SEMA3F: variants seen among roughly 807,000 people sequenced by gnomAD.
SEMA3F encodes semaphorin 3F, also known as semaphorin-3F.
Under a neutral mutation model 98.5 loss-of-function variants are expected in SEMA3F, and 30 were observed. The ratio of observed to expected loss-of-function variants is 0.30; its 90% CI spans 0.23 to 0.41. SEMA3F has a LOEUF of 0.41. Among genes scored for constraint, SEMA3F ranks in the 10% least tolerant of loss-of-function variants. The probability of loss-of-function intolerance (pLI) is 1.00; values close to 1 mark genes in which losing one functional copy is unlikely to be tolerated. For synonymous variants in SEMA3F, 380 were observed against 444.8 expected (o/e 0.85, Z 1.83); for missense variants, 866 against 1,119.3 (o/e 0.77, Z 3.23).
intron 13 of SEMA3F, among the ~76,000 whole-genome samples, chr3:50,185,016 C>T (rs370083425): frequency 6.6e-6 from 1 of 152,162 alleles, no homozygotes; most frequent in Admixed American, 6.5e-5. Flanking sequence ...CTTCCATCCC[C>T]AGGGGCCCAG....
intron 16 of SEMA3F, 38 bp from the exon 17 acceptor site, chr3:50,186,243 T>G: frequency 1.2e-6 from 2 of 1,605,198 alleles, no homozygotes; most frequent in Non-Finnish European, 1.7e-6. Context: ...GGGGGCAAGC[T>G]TCCTGGGAGC....
Position 50,183,367 on chromosome 3 carries a change from G to A in SEMA3F, c.1089-53G>A, listed in dbSNP as rs1159678731. The A allele has an allele frequency of 3.7e-6, 6 of 1,607,190 alleles. No homozygotes were observed. The African/African-American group carries it at 8.0e-5, about 21-fold the overall frequency. On this transcript the variant is annotated intron_variant, in intron 11 of 18. Transcript: ENST00000002829. Reference sequence around the variant, plus strand: ...CTGTGGGGAGGGGGCAGTTTGGGGAGGGGCCCTAGGTGGAGGGTCTGTCCT... The same window carrying A: ...CTGTGGGGAGGGGGCAGTTTGGGGAAGGGCCCTAGGTGGAGGGTCTGTCCT...
At chr3:50,171,651 C>T (rs1698609014) in intron 2 of SEMA3F, among the ~76,000 whole-genome samples, 1 of 152,190 alleles carries the variant, frequency 6.6e-6, no homozygotes, top group African/African-American at 2.4e-5. Flanking sequence ...CCTCTCTGGC[C>T]ACTTCCCAGC....
At chr3:50,174,418 G>A in intron 5 of SEMA3F, 68 bp downstream of exon 5, 2 of 1,539,388 alleles carry the variant, frequency 1.3e-6, no homozygotes, top group Non-Finnish European at 8.8e-7. Context: ...CCTGATGGGA[G>A]GAGGGGCTTC....
At chr3:50,185,742 CAG>C in intron 15 of SEMA3F, 35 bp downstream of exon 15, 1 of 1,613,264 alleles carries the variant, frequency 6.2e-7, no homozygotes, top group Non-Finnish European at 8.5e-7. Context: ...AGGTTGGGGA[CAG>C]GGCCTGCATC....
At chr3:50,172,395 C>T (rs1423773843) in intron 2 of SEMA3F, among the ~76,000 whole-genome samples, 1 of 152,054 alleles carries the variant, frequency 6.6e-6, no homozygotes, top group Non-Finnish European at 1.5e-5. Context: ...CAAGGGGACC[C>T]CTCGGCTCTC....
intron 12 of SEMA3F, among the ~76,000 whole-genome samples, chr3:50,183,853 T>C (rs1575407154): frequency 6.6e-6 from 1 of 151,978 alleles, no homozygotes; most frequent in Admixed American, 6.5e-5. Flanking sequence ...TCCCTGCAGG[T>C]GCTGGAGGCA....
At position 50,182,434 on chromosome 3, in the gene SEMA3F, C is replaced by T; in HGVS notation, c.763+31C>T. On this transcript the variant is annotated intron_variant, in intron 8 of 18. Coordinates refer to ENST00000002829, the MANE Select transcript of SEMA3F (RefSeq NM_004186.5). This position sits in a 1 kb window ranked among gnomAD's most constrained non-coding sequence, Gnocchi z 4.5. ...CGCAGCCCCAGGAGCCCTTCCGTGG[C>T]CATGTGTCTGGGATGCGGCAAGGAG... The T allele has an allele frequency of 6.2e-7, 1 of 1,611,848 alleles. No individual in the cohort carries two copies. The highest frequency in any genetic ancestry group is 1.7e-4 in the Middle Eastern group (1 of 5,874).
At chr3:50,179,705 A>C (rs1472069535) in intron 7 of SEMA3F, among the ~76,000 whole-genome samples, 1 of 152,206 alleles carries the variant, frequency 6.6e-6, no homozygotes, top group Non-Finnish European at 1.5e-5. Context: ...TCTTCTGGAA[A>C]ACTTGCTGCA....
At position 50,186,129 on chromosome 3, in the gene SEMA3F, C is replaced by G. The variant is rs1460745277; in HGVS notation, c.1745+83C>G. On this transcript the variant is annotated intron_variant, in intron 16 of 18. Transcript: ENST00000002829. ...GGATTGGGGGTGCATGTGATATTAC[C>G]CGGGGTGCATGTGATATTACCCTAG... is the stretch of plus-strand genomic sequence containing the variant. 2.7e-6 allele frequency: 4 copies of G among 1,496,664 alleles called. No homozygotes were observed. In the African/African-American group the frequency reaches 5.5e-5, roughly 21 times the overall value. The allele number at this position is 1,496,664 out of a possible 1,614,324, so 92.7% of individuals were successfully genotyped here. A position where few individuals can be genotyped will look rare whatever the true frequency, so the allele number is the denominator to read the frequency against.
At chr3:50,186,838 C>G in intron 18 of SEMA3F, 92 bp downstream of exon 18, 1 of 1,283,354 alleles carries the variant, frequency 7.8e-7, no homozygotes, top group South Asian at 1.8e-5. Flanking sequence ...AACTCTCATG[C>G]TGTGAAACCC....
chr3:50,170,209 G>T (rs1011976429), intron 2 of SEMA3F, among the ~76,000 whole-genome samples: 2 of 152,124 alleles, frequency 1.3e-5, no homozygotes, highest in African/African-American at 2.4e-5. Flanking sequence ...ACCCGGGGAA[G>T]TTCCCACCCC....
At position 50,184,787 on chromosome 3, in the gene SEMA3F, C is replaced by T. The variant is rs1468181934; in HGVS notation, c.1429C>T (p.Arg477Cys). ...AVDQVDAADG[R>C]YEVLFLGTDR... is the part of the protein sequence containing the mutation. ...GGACCAGGTGGATGCAGCCGACGGG[C>T]GCTATGAGGTGCTTTTCCTGGGCAC... Residue 477 changes from arginine to cysteine, a missense_variant, in exon 13 of 19, where the codon CGC (arginine) becomes TGC (cysteine). This residue lies in a region of SEMA3F where 374 missense variants were observed against 582.8 expected (regional missense o/e 0.64). Transcript: ENST00000002829. 3 of 1,613,930 alleles carry T rather than the reference C, an allele frequency of 1.9e-6. No individual in the cohort carries two copies. Among genetic ancestry groups the T allele is most frequent in the South Asian group, 2.2e-5 (2 of 91,070 alleles).
intron 1 of SEMA3F, among the ~76,000 whole-genome samples, chr3:50,157,200 T>C (rs942435822): frequency 1.3e-5 from 2 of 151,880 alleles, no homozygotes; most frequent in Admixed American, 6.6e-5. Flanking sequence ...TGGATCCGGC[T>C]GTACAGTTTG....
rs543745993 is a variant in SEMA3F, at chr3:50,158,324, G to T, written c.-48-1251G>T. On this transcript the variant is annotated intron_variant, in intron 1 of 18. Transcript: ENST00000002829. The surrounding 1 kb of genome is among the most constrained non-coding windows in gnomAD (Gnocchi z 4.8). ...AGAGAACATTCACACAGAGGGTACC[G>T]CGTAAGGAGTGGGCCAAGAGGCTGA... Among the ~76,000 whole-genome samples, 4 of 152,248 alleles carry T rather than the reference G, an allele frequency of 2.6e-5. No individual in the cohort carries two copies. Among genetic ancestry groups the T allele is most frequent in the Non-Finnish European group, 4.4e-5 (3 of 68,042 alleles).
Position 50,155,623 on chromosome 3 carries a change from T to C in SEMA3F, c.-49+59T>C. On this transcript the variant is annotated intron_variant, in intron 1 of 18. Transcript: ENST00000002829. The surrounding 1 kb of genome is among the most constrained non-coding windows in gnomAD (Gnocchi z 4.9). ...GGCGGCCGGGCCACCCCGCGACCCCTCTGGGACCCGCGGCACTGCAACTCC... is the reference window on the plus strand; with the variant it reads ...GGCGGCCGGGCCACCCCGCGACCCCCCTGGGACCCGCGGCACTGCAACTCC... The C allele has an allele frequency of 4.2e-6, 1 of 240,938 alleles. No homozygotes were observed. Among genetic ancestry groups the C allele is most frequent in the East Asian group, 7.8e-5 (1 of 12,828 alleles). 14.9% of individuals were successfully genotyped at this position (240,938 alleles called of 1,614,324 possible). A position where few individuals can be genotyped will look rare whatever the true frequency, so the allele number is the denominator to read the frequency against.
At chr3:50,176,895 A>G (rs1185301222) in intron 7 of SEMA3F, 34 bp downstream of exon 7, 4 of 1,528,296 alleles carry the variant, frequency 2.6e-6, no homozygotes, top group South Asian at 1.1e-5. Context: ...TACAGTCTCA[A>G]TGTGTGGCCT....
At chr3:50,177,564 C>T (rs554988465) in intron 7 of SEMA3F, among the ~76,000 whole-genome samples, 1 of 152,246 alleles carries the variant, frequency 6.6e-6, no homozygotes, top group South Asian at 2.1e-4. Flanking sequence ...TTATCCTCCC[C>T]CTCTTGGCAA....
chr3:50,178,871 G>A (rs556867016), intron 7 of SEMA3F, among the ~76,000 whole-genome samples: 58 of 112,188 alleles, frequency 5.2e-4, no homozygotes, highest in Non-Finnish European at 7.4e-4. Flanking sequence ...TCGCTCTGTC[G>A]CCCAGGCTGG....
Sources: allele counts gnomAD v4.1 joint callset (sites outside exome capture counted in the v4.1 genomes callset), GRCh38; gene constraint gnomAD v4.1.1; regional missense constraint gnomAD v4.1.1; non-coding constraint Gnocchi (gnomAD v3.1); transcripts MANE v1.5; gene names NCBI Gene and HGNC (gene_info 2026-07-23, HGNC 2026-07-21).